The following KCNK9 variants were observed in gnomAD, a reference collection of about 807,000 sequenced individuals.
The protein encoded by KCNK9 is potassium two pore domain channel subfamily K member 9, also known as potassium channel subfamily K member 9.
Under a neutral mutation model 10.8 loss-of-function variants are expected in KCNK9, and 1 was observed. The observed-to-expected ratio is 0.09, with a 90% CI of 0.03 to 0.44. KCNK9 has a LOEUF of 0.44. Among genes scored for constraint, KCNK9 ranks in the 20% least tolerant of loss-of-function variants. The pLI, the probability that KCNK9 is intolerant of heterozygous loss-of-function variation, is 0.97. For missense variants in KCNK9, 303 were observed against 515.0 expected (o/e 0.59, Z 3.98); for synonymous variants, 231 against 222.7 (o/e 1.04, Z -0.33).
chr8:139,628,860 C>T (rs1291409919), intron 1 of KCNK9, among the ~76,000 whole-genome samples: 1 of 152,234 alleles, frequency 6.6e-6, no homozygotes, highest in East Asian at 1.9e-4. Flanking sequence ...TTGAGTGAGG[C>T]CCCCTCAGGA....
chr8:139,605,071 A>G (rs1323257686), intron 2 of KCNK9, among the ~76,000 whole-genome samples: 1 of 152,264 alleles, frequency 6.6e-6, no homozygotes, highest in East Asian at 1.9e-4. Flanking sequence ...ATACTTGGGC[A>G]GCTCCTATGG....
At chr8:139,674,600 A>G (rs1296963064) in intron 1 of KCNK9, among the ~76,000 whole-genome samples, 1 of 152,094 alleles carries the variant, frequency 6.6e-6, no homozygotes, top group East Asian at 1.9e-4. Context: ...CGGGACTCCA[A>G]CCCAAGACCT....
chr8:139,625,415 G>A (rs371055295), intron 1 of KCNK9, among the ~76,000 whole-genome samples: 4 of 152,222 alleles, frequency 2.6e-5, no homozygotes, highest in Admixed American at 1.3e-4. Flanking sequence ...GTGAGCTCCC[G>A]AGGAGAGCAG....
chr8:139,660,680 T>C (rs563833221), intron 1 of KCNK9, among the ~76,000 whole-genome samples: 4 of 152,230 alleles, frequency 2.6e-5, no homozygotes, highest in East Asian at 3.9e-4. Context: ...GTGTTTTTCA[T>C]TGAGTCAATA....
chr8:139,687,467 T>TA (rs1325249768), intron 1 of KCNK9, among the ~76,000 whole-genome samples: 2 of 79,020 alleles, frequency 2.5e-5, no homozygotes, highest in African/African-American at 9.2e-5. Flanking sequence ...TATTCATATA[T>TA]TCATATATAT....
At chr8:139,668,549 G>A (rs1044382811) in intron 1 of KCNK9, among the ~76,000 whole-genome samples, 23 of 151,848 alleles carry the variant, frequency 1.5e-4, no homozygotes, top group African/African-American at 5.6e-4. Flanking sequence ...AGCCTCCCAA[G>A]TAGCTGGGAT....
rs1184887131 is a variant in KCNK9, at chr8:139,680,714, G to T, written c.283+21996C>A. 4.6e-5 allele frequency among the ~76,000 whole-genome samples: 7 copies of T among 152,276 alleles called. No homozygotes were observed. The South Asian group carries it at 6.2e-4, about 14-fold the overall frequency. ...ACACTCTCAGGATCCCCACTTGGCA[G>T]GAGAGGAAACGGGGCCCAGAGAAGG... On this transcript the variant is annotated intron_variant, in intron 1 of 1. Transcript: ENST00000520439.
At chr8:139,609,238 G>GCCCT (rs1814337897), downstream of KCNK9, among the ~76,000 whole-genome samples, 10 of 93,628 alleles carry the variant, frequency 1.1e-4, no homozygotes, top group Non-Finnish European at 1.8e-4. Flanking sequence ...GGGGTGCTCT[G>GCCCT]CCCCCCCACC....
At chr8:139,640,620 A>C (rs1469038) in intron 1 of KCNK9, among the ~76,000 whole-genome samples, 5 of 152,206 alleles carry the variant, frequency 3.3e-5, no homozygotes, top group Non-Finnish European at 7.3e-5. Context: ...GGCCTGTGCA[A>C]CCTATAACCA....
chr8:139,618,841 C>T lies in KCNK9; in HGVS notation c.542G>A (p.Cys181Tyr). 1 of 1,614,232 alleles carries T rather than the reference C, an allele frequency of 6.2e-7. No homozygotes were observed. The highest frequency in any genetic ancestry group is 8.5e-7 in the Non-Finnish European group (1 of 1,180,044). ...LCIGAAAFSQ[C>Y]EEWSFFHAYY... ...GGCGTGGAAGAAGCTCCACTCCTCA[C>T]ACTGGGAGAAGGCGGCCGCCCCGAT... Residue 181 changes from cysteine to tyrosine, a missense_variant, in exon 2 of 2, where the codon TGT (cysteine) becomes TAT (tyrosine). By Grantham distance (194) the Cys-to-Tyr change is radical. Around this residue, in one of 5 missense-constraint regions of KCNK9, gnomAD observed 53 missense variants for 134.9 expected, o/e 0.39. Transcript: ENST00000520439. The surrounding 1 kb of genome is among the most constrained non-coding windows in gnomAD (Gnocchi z 7.9).
chr8:139,695,039 TC>T (rs1485680319), intron 1 of KCNK9, among the ~76,000 whole-genome samples: 1 of 152,190 alleles, frequency 6.6e-6, no homozygotes, highest in Non-Finnish European at 1.5e-5. Flanking sequence ...TTTCTCATCT[TC>T]CCTGCCATGA....
intron 1 of KCNK9, among the ~76,000 whole-genome samples, chr8:139,663,648 CGTGTGTGTGT>C (rs34660685): frequency 1.3e-4 from 18 of 137,506 alleles, no homozygotes; most frequent in African/African-American, 3.9e-4. Flanking sequence ...CGCGTGCGCA[CGTGTGTGTGT>C]GTGTGTGTGT....
intron 1 of KCNK9, among the ~76,000 whole-genome samples, chr8:139,632,499 C>G (rs562835210): frequency 1.3e-5 from 2 of 152,194 alleles, no homozygotes; most frequent in Admixed American, 1.3e-4. Flanking sequence ...GTGACCTCCT[C>G]CTGCTCCTGG....
intron 1 of KCNK9, among the ~76,000 whole-genome samples, chr8:139,652,700 T>C (rs534365765): frequency 2.1e-4 from 32 of 152,322 alleles, no homozygotes; most frequent in African/African-American, 7.5e-4. Flanking sequence ...GAAAAAGTGC[T>C]GCATGATGAT....
intron 2 of KCNK9, among the ~76,000 whole-genome samples, chr8:139,606,978 G>A (rs995626721): frequency 5.3e-5 from 8 of 151,952 alleles, no homozygotes; most frequent in South Asian, 2.1e-4. Context: ...ACATCCCCCC[G>A]CAACACACAC....
At chr8:139,624,581 C>T (rs1328804818) in intron 1 of KCNK9, among the ~76,000 whole-genome samples, 1 of 152,168 alleles carries the variant, frequency 6.6e-6, no homozygotes. Context: ...CAGGACCAGG[C>T]AGGGTGGGTA....
chr8:139,664,960 G>A (rs896184323), intron 1 of KCNK9, among the ~76,000 whole-genome samples: 1 of 152,150 alleles, frequency 6.6e-6, no homozygotes, highest in South Asian at 2.1e-4. Context: ...ATCTGGGGGG[G>A]ATGTCTCCTT....
At chr8:139,653,714 A>C (rs1369791969) in intron 1 of KCNK9, among the ~76,000 whole-genome samples, 1 of 152,244 alleles carries the variant, frequency 6.6e-6, no homozygotes, top group Non-Finnish European at 1.5e-5. Flanking sequence ...CACAAGGGAA[A>C]GTGCTTTCAA....
intron 1 of KCNK9, among the ~76,000 whole-genome samples, chr8:139,622,554 A>C (rs73358016): frequency 0.018 from 2,790 of 151,942 alleles, 89 homozygotes; most frequent in African/African-American, 0.063. Flanking sequence ...AGTTCCAGGA[A>C]CTGCACCCTT....
Sources: gnomAD v4.1 joint callset for allele counts (sites outside exome capture counted in the v4.1 genomes callset) on GRCh38, gnomAD v4.1.1 for gene constraint, gnomAD v4.1.1 regional missense constraint, Gnocchi (gnomAD v3.1) non-coding constraint, MANE v1.5 for transcripts, NCBI Gene and HGNC (gene_info 2026-07-23, HGNC 2026-07-21) for gene names.